The following OSBP variants were observed in gnomAD, a reference collection of about 807,000 sequenced individuals.
OSBP encodes the protein oxysterol-binding protein 1.
A neutral mutation model predicts 96.6 loss-of-function variants in OSBP; 32 were observed. That is an observed-to-expected ratio of 0.33 (90% CI 0.25 to 0.45). OSBP has a LOEUF of 0.45. OSBP is among the 20% of genes least tolerant of loss of function. The pLI is 1.00. For synonymous variants in OSBP, 369 were observed against 389.6 expected (o/e 0.95, Z 0.62); for missense variants, 653 against 1,029.7 (o/e 0.63, Z 5.01).
chr11:59,593,180 G>A (rs1026075944), intron 9 of OSBP, among the ~76,000 whole-genome samples: 1 of 152,106 alleles, frequency 6.6e-6, no homozygotes, highest in Non-Finnish European at 1.5e-5. Context: ...ATCAGGTGGA[G>A]GAAAAGGGAG....
chr11:59,601,374 A>G lies in OSBP; in HGVS notation c.1033T>C (p.Ser345Pro), dbSNP rs1860722526. 1 of 1,610,130 alleles carries G rather than the reference A, an allele frequency of 6.2e-7. No individual in the cohort carries two copies. The highest frequency in any genetic ancestry group is 8.5e-7 in the Non-Finnish European group (1 of 1,176,404). ...NVGSGKDQCC[S>P]GKGDMSDEDD... ...TCATCGCTCATGTCCCCTTTGCCAG[A>G]GCAGCACTGATCTACAAGAAGAAAA... The change falls in exon 5 of 14, where the codon TCT (serine) becomes CCT (proline). Residue 345 changes from serine (S) to proline (P), a missense_variant. Physicochemically the swap from Ser to Pro is moderately conservative, Grantham distance 74. Coordinates refer to ENST00000263847, the MANE Select transcript of OSBP (RefSeq NM_002556.3).
intron 3 of OSBP, among the ~76,000 whole-genome samples, chr11:59,606,547 G>A (rs1860783289): frequency 6.6e-6 from 1 of 152,106 alleles, no homozygotes; most frequent in African/African-American, 2.4e-5. Flanking sequence ...GGGAGGAAGA[G>A]AACCAAAGGT....
At chr11:59,595,801 C>A (rs1048364011) in intron 7 of OSBP, among the ~76,000 whole-genome samples, 1 of 151,188 alleles carries the variant, frequency 6.6e-6, no homozygotes, top group Non-Finnish European at 1.5e-5. Context: ...AAAATTAGCA[C>A]GGTGTGGTGG....
At chr11:59,601,223 A>G in intron 5 of OSBP, 60 bp downstream of exon 5, 2 of 942,006 alleles carry the variant, frequency 2.1e-6, no homozygotes, top group Non-Finnish European at 3.5e-6. Flanking sequence ...TGATGCTAAA[A>G]TACCACCATA....
intron 11 of OSBP, among the ~76,000 whole-genome samples, chr11:59,579,859 G>A (rs918597285): frequency 4.0e-5 from 6 of 151,496 alleles, no homozygotes; most frequent in Non-Finnish European, 5.9e-5. Context: ...TTACAGGCAC[G>A]CGCCACCACA....
chr11:59,600,984 T>C, intron 5 of OSBP, 111 bp from the exon 6 acceptor site: 1 of 848,836 alleles, frequency 1.2e-6, no homozygotes, highest in Non-Finnish European at 1.9e-6. Context: ...AACTTATTGA[T>C]GGGTGATCAA....
At chr11:59,603,529 G>GTTTTTT (rs370609645) in intron 3 of OSBP, among the ~76,000 whole-genome samples, 9 of 86,778 alleles carry the variant, frequency 1.0e-4, no homozygotes, top group African/African-American at 2.6e-4. Context: ...ATCACCTTCA[G>GTTTTTT]TTTTTTTTTT....
At chr11:59,577,063 A>G (rs202045709) in intron 12 of OSBP, 38 bp from the exon 13 acceptor site, 1 of 1,560,192 alleles carries the variant, frequency 6.4e-7, no homozygotes, top group East Asian at 2.2e-5. Context: ...TGGTAATCCC[A>G]GAGCCCAGAC....
Position 59,576,511 on chromosome 11 carries a change from C to T in OSBP, c.*66G>A. On this transcript the variant is annotated 3_prime_UTR_variant, in exon 14 of 14. Coordinates refer to ENST00000263847, the MANE Select transcript of OSBP (RefSeq NM_002556.3). Reference sequence around the variant, plus strand: ...GCACTTGGTAAGAGAGTCACAACTTCCAGCTTTCCCACACATCCTCTGTCC... The same window carrying T: ...GCACTTGGTAAGAGAGTCACAACTTTCAGCTTTCCCACACATCCTCTGTCC... 1 of 1,529,390 alleles carries T rather than the reference C, an allele frequency of 6.5e-7. No individual in the cohort carries two copies. The highest frequency in any genetic ancestry group is 8.8e-7 in the Non-Finnish European group (1 of 1,131,056). 94.7% of individuals were successfully genotyped at this position (1,529,390 alleles called of 1,614,324 possible). A position where few individuals can be genotyped will look rare whatever the true frequency, so the allele number is the denominator to read the frequency against.
intron 7 of OSBP, among the ~76,000 whole-genome samples, chr11:59,595,986 AATAAATAAATAAAATTC>A (rs1860648322): frequency 6.7e-6 from 1 of 150,106 alleles, no homozygotes; most frequent in African/African-American, 2.5e-5. Flanking sequence ...TAAATAAATA[AATAAATAAATAAAATTC>A]ATAAACTAGA....
At chr11:59,584,167 G>GAA in intron 9 of OSBP, among the ~76,000 whole-genome samples, 1 of 151,870 alleles carries the variant, frequency 6.6e-6, no homozygotes, top group Non-Finnish European at 1.5e-5. Context: ...AACTGGTCTT[G>GAA]AACTCCTGGG....
chr11:59,581,028 A>G (rs1353055776), intron 10 of OSBP, among the ~76,000 whole-genome samples: 4 of 152,202 alleles, frequency 2.6e-5, no homozygotes. Flanking sequence ...GTTGCTGCAC[A>G]TTTTCCAACC....
chr11:59,614,284 G>C (rs1860892295), intron 1 of OSBP, among the ~76,000 whole-genome samples: 1 of 152,144 alleles, frequency 6.6e-6, no homozygotes, highest in Admixed American at 6.6e-5. Context: ...TGCTAAGTCT[G>C]TTTTCCTCAT....
intron 9 of OSBP, among the ~76,000 whole-genome samples, chr11:59,589,777 G>A (rs1860554653): frequency 6.6e-6 from 1 of 151,566 alleles, no homozygotes; most frequent in Non-Finnish European, 1.5e-5. Context: ...GAGGTCAGGA[G>A]TTTGAGACCA....
In OSBP at chr11:59,615,516, A is replaced by G; in HGVS notation, c.149T>C (p.Val50Ala). Reference protein sequence around the residue: ...GPGSGAASGTVVAAAAGGPGP... With the variant: ...GPGSGAASGTAVAAAAGGPGP... ...CGGGCCTCCCGCCGCCGCCGCGACCACCGTCCCTGACGCGGCCCCGGAGCC... is the reference window on the plus strand; with the variant it reads ...CGGGCCTCCCGCCGCCGCCGCGACCGCCGTCCCTGACGCGGCCCCGGAGCC... The change falls in exon 1 of 14, where the codon GTG (valine) becomes GCG (alanine). Residue 50 changes from valine to alanine, a missense_variant. By Grantham distance (64) the Val-to-Ala change is moderately conservative (BLOSUM62 0). Around this residue, in one of 6 missense-constraint regions of OSBP, gnomAD observed 151 missense variants for 146.1 expected, o/e 1.03. Transcript: ENST00000263847. The G allele has an allele frequency of 1.6e-6, 2 of 1,245,024 alleles. No individual in the cohort carries two copies. Among genetic ancestry groups the G allele is most frequent in the Non-Finnish European group, 2.0e-6 (2 of 994,564 alleles). 77.1% of individuals were successfully genotyped at this position (1,245,024 alleles called of 1,614,324 possible).
chr11:59,606,745 G>A (rs1371890269), intron 3 of OSBP, among the ~76,000 whole-genome samples: 2 of 152,160 alleles, frequency 1.3e-5, no homozygotes, highest in East Asian at 3.8e-4. Flanking sequence ...AACTTTGCCC[G>A]TTTAGAGCTG....
intron 7 of OSBP, among the ~76,000 whole-genome samples, chr11:59,597,824 G>A (rs567065203): frequency 6.6e-6 from 1 of 152,260 alleles, no homozygotes; most frequent in African/African-American, 2.4e-5. Context: ...TCATGCCTCA[G>A]CATCCTGAGT....
At chr11:59,614,231 G>T (rs1480071470) in intron 1 of OSBP, among the ~76,000 whole-genome samples, 1 of 152,202 alleles carries the variant, frequency 6.6e-6, no homozygotes, top group Non-Finnish European at 1.5e-5. Flanking sequence ...AACAGAAGTA[G>T]TTTCAAATCC....
chr11:59,603,170 C>T (rs996176586), intron 3 of OSBP, among the ~76,000 whole-genome samples: 2 of 152,218 alleles, frequency 1.3e-5, no homozygotes, highest in African/African-American at 2.4e-5. Flanking sequence ...TCTATCTCTC[C>T]AGATGGATCA....
Sources: gnomAD v4.1 joint callset for allele counts (sites outside exome capture counted in the v4.1 genomes callset) on GRCh38, gnomAD v4.1.1 for gene constraint, gnomAD v4.1.1 regional missense constraint, MANE v1.5 for transcripts, NCBI Gene and HGNC (gene_info 2026-07-23, HGNC 2026-07-21) for gene names.